Variants in RBP3 observed in about 807,000 individuals in gnomAD.
RBP3 encodes retinol-binding protein 3.
Under a neutral mutation model 64.8 loss-of-function variants are expected in RBP3, and 50 were observed. The observed-to-expected ratio is 0.77, with a 90% CI of 0.61 to 0.98. The LOEUF is 0.98. RBP3 is among the 50% of genes least tolerant of loss of function. RBP3 has a pLI of 0.00. For missense variants in RBP3, 1,712 were observed against 1,660.5 expected, an observed-to-expected ratio of 1.03 and a Z score of -0.54; for synonymous variants, 828 against 730.2, an observed-to-expected ratio of 1.13 and a Z score of -2.16.
chr10:47,348,716 G>A lies in RBP3; in HGVS notation c.232G>A (p.Val78Met), dbSNP rs782207485. The stretch of plus-strand genomic sequence containing the variant: ...GCTGGCCAGTGTGCTGACAGCCGGG[G>A]TGCAGAGCTCCCTGAACGATCCTCG... ...QTLASVLTAG[V>M]QSSLNDPRLV... Residue 78 changes from valine to methionine, a missense_variant, in exon 1 of 4, where the codon GTG becomes ATG. Transcript: ENST00000584701. The A allele has an allele frequency of 3.7e-6, 6 of 1,613,500 alleles. No individual in the cohort carries two copies. Among genetic ancestry groups the A allele is most frequent in the Admixed American group, 1.7e-5 (1 of 60,014 alleles).
chr10:47,357,228 G>A lies in RBP3; in HGVS notation c.3515G>A (p.Ser1172Asn), dbSNP rs1555212060. 1 of 1,613,972 alleles carries A rather than the reference G, an allele frequency of 6.2e-7. No homozygotes were observed. Among genetic ancestry groups the A allele is most frequent in the Non-Finnish European group, 8.5e-7 (1 of 1,180,056 alleles). Residue 1172 changes from serine to asparagine, a missense_variant, in exon 4 of 4, where the codon AGT becomes AAT. Ser to Asn is a conservative substitution (Grantham distance 46). Coordinates refer to ENST00000584701, the MANE Select transcript of RBP3 (RefSeq NM_002900.3). Reference sequence around the variant, plus strand: ...GCCCTGGTCATTGGGGAGGTGACCAGTGGGGGCTGCCAGCCACCACAGACC... The same window carrying A: ...GCCCTGGTCATTGGGGAGGTGACCAATGGGGGCTGCCAGCCACCACAGACC... ...GRALVIGEVT[S>N]GGCQPPQTYH... is the part of the protein sequence containing the mutation.
Position 47,350,550 on chromosome 10 carries a change from A to C in RBP3, c.2066A>C (p.Asp689Ala). 1 of 1,612,874 alleles carries C rather than the reference A, an allele frequency of 6.2e-7. No homozygotes were observed. Among genetic ancestry groups the C allele is most frequent in the Non-Finnish European group, 8.5e-7 (1 of 1,180,002 alleles). ...TCTCTGGCCTCTCAGCTCACAGCAG[A>C]CCTCCAGGAGGTGTCTGGGGACCAC... ...LESLASQLTA[D>A]LQEVSGDHRL... The change falls in exon 1 of 4, where the codon GAC becomes GCC. Residue 689 changes from aspartate (D) to alanine (A), a missense_variant. Transcript: ENST00000584701.
rs34044042 is a variant in RBP3 at position 47,350,293 on chromosome 10, C to T, written c.1809C>T (p.Gly603=). ...TCCTCACCTTCATCGACAATCACGG[C>T]GAGGCCTGGCTGGGTGGTGGAGTGG... ...VPVLTFIDNH[G]EAWLGGGVVP... Residue 603 remains glycine (G), a synonymous_variant, in exon 1 of 4, where the codon GGC becomes GGT. Coordinates refer to ENST00000584701, the MANE Select transcript of RBP3 (RefSeq NM_002900.3). 1,548 of 1,609,234 alleles carry T rather than the reference C, an allele frequency of 9.6e-4. 14 individuals carry two copies. The African/African-American group carries it at 0.017, about 18-fold the overall frequency.
chr10:47,348,772 C>G lies in RBP3; in HGVS notation c.288C>G (p.Pro96=), dbSNP rs781927571. 1.9e-6 allele frequency: 3 copies of G among 1,613,492 alleles called. No homozygotes were observed. Among genetic ancestry groups the G allele is most frequent in the African/African-American group, 2.7e-5 (2 of 74,918 alleles). ...RLVISYEPST[P]EPPPQVPALT... ...TCATCTCCTATGAGCCCAGCACCCC[C>G]GAGCCTCCCCCACAAGTCCCAGCAC... The change falls in exon 1 of 4, where the codon CCC becomes CCG. Residue 96 remains proline, a synonymous_variant. Transcript: ENST00000584701.
chr10:47,348,371 T>A lies in RBP3; in HGVS notation c.-114T>A. On this transcript the variant is annotated 5_prime_UTR_variant, in exon 1 of 4. Coordinates refer to ENST00000584701, the MANE Select transcript of RBP3 (RefSeq NM_002900.3). The stretch of plus-strand genomic sequence containing the variant: ...CTCAGGAGTTTAGCCCCAGACCTTC[T>A]GTCCACCAGCTGAGAAGGACAAGGG... The A allele has an allele frequency of 8.0e-7, 1 of 1,253,832 alleles. No homozygotes were observed. The allele number at this position is 1,253,832 out of a possible 1,614,324, so 77.7% of individuals were successfully genotyped here.
chr10:47,349,312 C>T lies in RBP3; in HGVS notation c.828C>T (p.Phe276=). The change falls in exon 1 of 4, where the codon TTC becomes TTT. Residue 276 remains phenylalanine, a synonymous_variant. Transcript: ENST00000584701. ...AGCTGAGGATAGGCGAGTCTGACTT[C>T]TTCTTCACGGTGCCCGTGTCCAGGT... The part of the protein sequence containing the change: ...LRKLRIGESD[F]FFTVPVSRSL... 6.2e-7 allele frequency: 1 copy of T among 1,612,816 alleles called. No individual in the cohort carries two copies. The highest frequency in any genetic ancestry group is 8.5e-7 in the Non-Finnish European group (1 of 1,179,992).
chr10:47,350,908 C>A lies in RBP3; in HGVS notation c.2424C>A (p.His808Gln), dbSNP rs1836959749. ...SYFFEAEPRQ[H>Q]LYSVFDRATS... is the part of the protein sequence containing the mutation. The stretch of plus-strand genomic sequence containing the variant: ...TCTTTGAGGCAGAGCCCCGCCAGCA[C>A]CTGTATTCTGTCTTTGACAGGGCCA... The change falls in exon 1 of 4, where the codon CAC (histidine) becomes CAA (glutamine). Residue 808 changes from histidine to glutamine, a missense_variant. Coordinates refer to ENST00000584701, the MANE Select transcript of RBP3 (RefSeq NM_002900.3). The A allele has an allele frequency of 1.9e-6, 3 of 1,613,046 alleles. No individual in the cohort carries two copies. Among genetic ancestry groups the A allele is most frequent in the Non-Finnish European group, 2.5e-6 (3 of 1,180,016 alleles).
At position 47,350,194 on chromosome 10, in the gene RBP3, G is replaced by C; in HGVS notation, c.1710G>C (p.Ala570=). The C allele has an allele frequency of 6.2e-7, 1 of 1,610,890 alleles. No individual in the cohort carries two copies. Among genetic ancestry groups the C allele is most frequent in the Non-Finnish European group, 8.5e-7 (1 of 1,179,966 alleles). ...GWATLVGEIT[A]GNLLHTRTVP... Reference sequence around the variant, plus strand: ...CCACACTGGTAGGTGAGATCACCGCGGGCAACCTGCTGCACACCCGCACGG... The same window carrying C: ...CCACACTGGTAGGTGAGATCACCGCCGGCAACCTGCTGCACACCCGCACGG... The change falls in exon 1 of 4, where the codon GCG becomes GCC. Residue 570 remains alanine, a synonymous_variant. Transcript: ENST00000584701.
Position 47,350,706 on chromosome 10 carries a change from G to T in RBP3, c.2222G>T (p.Gly741Val). ...EALFKTEVLPGQLGYLRFDAM... is the reference protein window; with the variant it reads ...EALFKTEVLPVQLGYLRFDAM... ...CTGTTCAAGACAGAGGTGCTGCCCG[G>T]CCAGCTGGGCTACCTGCGTTTTGAC... The change falls in exon 1 of 4, where the codon GGC becomes GTC. Residue 741 changes from glycine to valine, a missense_variant. By Grantham distance (109) the Gly-to-Val change is moderately radical. Coordinates refer to ENST00000584701, the MANE Select transcript of RBP3 (RefSeq NM_002900.3). 6.2e-7 allele frequency: 1 copy of T among 1,613,176 alleles called. No homozygotes were observed. The highest frequency in any genetic ancestry group is 8.5e-7 in the Non-Finnish European group (1 of 1,180,036).
rs781940259 is a variant in RBP3 at position 47,355,494 on chromosome 10, C to T, written c.3364C>T (p.Leu1122Phe). The change falls in exon 3 of 4, where the codon CTC becomes TTC. Residue 1122 changes from leucine (L) to phenylalanine (F), a missense_variant. Leu to Phe is a conservative substitution (Grantham distance 22). Transcript: ENST00000584701. ...YSRPDDSVSE[L>F]WTHAQVVGER... ...CCGGCCTGATGACTCTGTCAGTGAA[C>T]TCTGGACACACGCCCAGGTTGTAGG... The T allele has an allele frequency of 6.8e-6, 11 of 1,614,104 alleles. No homozygotes were observed. The highest frequency in any genetic ancestry group is 9.3e-6 in the Non-Finnish European group (11 of 1,180,056).
chr10:47,351,620 A>G (rs1214620380), intron 1 of RBP3, 82 bp downstream of exon 1: 5 of 1,520,522 alleles, frequency 3.3e-6, no homozygotes, highest in East Asian at 4.5e-5. Context: ...CTCTGTGCAC[A>G]GTGCGTGACA....
Position 47,357,415 on chromosome 10 carries a change from G to A in RBP3, c.3702G>A (p.Gln1234=). The change falls in exon 4 of 4, where the codon CAG becomes CAA. Residue 1234 remains glutamine, a synonymous_variant. Transcript: ENST00000584701. The part of the protein sequence containing the change: ...ARAKEMLQHN[Q]LRVKRSPGLQ... The stretch of plus-strand genomic sequence containing the variant: ...CCAAGGAGATGCTCCAGCACAACCA[G>A]CTGAGGGTGAAGCGGAGCCCAGGCC... 6.2e-7 allele frequency: 1 copy of A among 1,613,958 alleles called. No homozygotes were observed. The highest frequency in any genetic ancestry group is 8.5e-7 in the Non-Finnish European group (1 of 1,179,930).
chr10:47,350,602 C>G lies in RBP3; in HGVS notation c.2118C>G (p.Gly706=), dbSNP rs782605269. 1.2e-6 allele frequency: 2 copies of G among 1,612,934 alleles called. No homozygotes were observed. Among genetic ancestry groups the G allele is most frequent in the Non-Finnish European group, 1.7e-6 (2 of 1,180,026 alleles). Residue 706 remains glycine, a synonymous_variant, in exon 1 of 4, where the codon GGC becomes GGG. Transcript: ENST00000584701. ...DHRLLVFHSP[G]ELVVEEAPPP... ...GCTTGCTAGTGTTCCACAGCCCTGG[C>G]GAGCTGGTGGTAGAGGAAGCACCCC... is the stretch of plus-strand genomic sequence containing the variant.
rs917821437 is a variant in RBP3 at position 47,349,347 on chromosome 10, C to A, written c.863C>A (p.Pro288His). 5.0e-6 allele frequency: 8 copies of A among 1,612,358 alleles called. No homozygotes were observed. Among genetic ancestry groups the A allele is most frequent in the Non-Finnish European group, 6.8e-6 (8 of 1,179,970 alleles). The change falls in exon 1 of 4, where the codon CCC becomes CAC. Residue 288 changes from proline to histidine, a missense_variant. Pro to His is a moderately conservative substitution (Grantham distance 77, BLOSUM62 -2). Transcript: ENST00000584701. ...FTVPVSRSLG[P>H]LGGGSQTWEG... ...GTGCCCGTGTCCAGGTCCCTGGGGC[C>A]CCTTGGTGGAGGCAGCCAGACGTGG... is the stretch of plus-strand genomic sequence containing the variant.
At position 47,349,492 on chromosome 10, in the gene RBP3, C is replaced by T. The variant is rs782299182; in HGVS notation, c.1008C>T (p.Val336=). The change falls in exon 1 of 4, where the codon GTC becomes GTT. Residue 336 remains valine, a synonymous_variant. Transcript: ENST00000584701. ...LPGVVHCLQE[V]LKDYYTLVDR... ...GGGTAGTCCACTGCCTCCAGGAGGT[C>T]CTGAAGGACTACTACACGCTGGTGG... is the stretch of plus-strand genomic sequence containing the variant. 2.5e-5 allele frequency: 41 copies of T among 1,612,826 alleles called. No homozygotes were observed. Among genetic ancestry groups the T allele is most frequent in the Non-Finnish European group, 3.4e-5 (40 of 1,180,032 alleles).
In RBP3 at chr10:47,350,803, G is replaced by A; in HGVS notation, c.2319G>A (p.Val773=). ...TGCGGCTGGTATGGCAACAGCTGGT[G>A]GACACGGCTGCGCTGGTGATCGACC... ...QLVRLVWQQL[V]DTAALVIDLR... Residue 773 remains valine (V), a synonymous_variant, in exon 1 of 4, where the codon GTG becomes GTA. Transcript: ENST00000584701. 5.6e-6 allele frequency: 9 copies of A among 1,613,048 alleles called. No homozygotes were observed. Among genetic ancestry groups the A allele is most frequent in the Non-Finnish European group, 7.6e-6 (9 of 1,180,022 alleles).
Position 47,357,454 on chromosome 10 carries a change from G to A in RBP3, c.3741G>A (p.Leu1247=), listed in dbSNP as rs782544424. The change falls in exon 4 of 4, where the codon CTG becomes CTA. Residue 1247 remains leucine (L), a synonymous_variant. Coordinates refer to ENST00000584701, the MANE Select transcript of RBP3 (RefSeq NM_002900.3). ...GGAGCCCAGGCCTGCAGGACCACCT[G>A]TAGGGAAGGGCCCCATAGGCAGAGC... The part of the protein sequence containing the change: ...VKRSPGLQDH[L] 1 of 1,607,744 alleles carries A rather than the reference G, an allele frequency of 6.2e-7. No individual in the cohort carries two copies. The highest frequency in any genetic ancestry group is 1.7e-5 in the Admixed American group (1 of 59,236).
chr10:47,351,545 C>A lies in RBP3; in HGVS notation c.3054+7C>A, dbSNP rs1233947310. 3 of 1,613,384 alleles carry A rather than the reference C, an allele frequency of 1.9e-6. No individual in the cohort carries two copies. Among genetic ancestry groups the A allele is most frequent in the East Asian group, 2.2e-5 (1 of 44,898 alleles). On this transcript the variant is annotated splice_region_variant and intron_variant, in intron 1 of 3. Transcript: ENST00000584701. ...TGGAATTGTGCCCATGCAGGTGAGA[C>A]CCAAGAGAGACCTGGCTGAACCCAG...
At position 47,349,291 on chromosome 10, in the gene RBP3, G is replaced by A; in HGVS notation, c.807G>A (p.Leu269=). The A allele has an allele frequency of 6.2e-7, 1 of 1,612,928 alleles. No individual in the cohort carries two copies. The highest frequency in any genetic ancestry group is 8.5e-7 in the Non-Finnish European group (1 of 1,179,978). ...TGGGALDLRK[L]RIGESDFFFT... ...GAGGGGCCCTGGACCTCCGGAAGCTGAGGATAGGCGAGTCTGACTTCTTCT... is the reference window on the plus strand; with the variant it reads ...GAGGGGCCCTGGACCTCCGGAAGCTAAGGATAGGCGAGTCTGACTTCTTCT... Residue 269 remains leucine (L), a synonymous_variant, in exon 1 of 4, where the codon CTG becomes CTA. Transcript: ENST00000584701.
Sources: gnomAD v4.1 joint callset for allele counts on GRCh38, gnomAD v4.1.1 for gene constraint, MANE v1.5 for transcripts, NCBI Gene and HGNC (gene_info 2026-07-23, HGNC 2026-07-21) for gene names.